CCDC171: variants seen among roughly 807,000 people sequenced by gnomAD.
CCDC171 encodes the protein coiled-coil domain containing 171, also known as coiled-coil domain-containing protein 171.
Under a neutral mutation model 168.2 loss-of-function variants are expected in CCDC171, and 177 were observed. That is an observed-to-expected ratio of 1.05 (90% confidence interval 0.93 to 1.19). The LOEUF (loss-of-function observed/expected upper bound fraction) is 1.19. Ranked by LOEUF, CCDC171 falls within the 50% of genes most tolerant of loss-of-function variation. CCDC171 has a pLI of 0.00. For missense variants in CCDC171, 1,991 were observed against 1,539.0 expected, an observed-to-expected ratio of 1.29 and a Z score of -4.91; for synonymous variants, 687 against 540.8, an observed-to-expected ratio of 1.27 and a Z score of -3.75.
At chr9:15,949,517 C>G (rs1828857342) in intron 25 of CCDC171, among the ~76,000 whole-genome samples, 1 of 152,140 alleles carries the variant, frequency 6.6e-6, no homozygotes, top group African/African-American at 2.4e-5. Context: ...GTTTGTACTT[C>G]TCCTTGAAGA....
the CCDC171 span, among the ~76,000 whole-genome samples, chr9:16,089,900 T>C: frequency 6.6e-6 from 1 of 152,008 alleles, no homozygotes; most frequent in African/African-American, 2.4e-5. Flanking sequence ...AGGATGGAGA[T>C]CATTAAAAGT....
intron 1 of CCDC171, among the ~76,000 whole-genome samples, chr9:15,561,767 A>C (rs1342149279): frequency 6.6e-6 from 1 of 152,112 alleles, no homozygotes; most frequent in East Asian, 1.9e-4. Context: ...CACACAGAGA[A>C]GTAAATCCTT....
intron 23 of CCDC171, among the ~76,000 whole-genome samples, chr9:15,854,410 T>C (rs1367418618): frequency 6.6e-6 from 1 of 151,684 alleles, no homozygotes; most frequent in Non-Finnish European, 1.5e-5. Flanking sequence ...TAATTGTTTT[T>C]ATTTCTGTAA....
chr9:15,574,771 ATC>A (rs2131145555), intron 3 of CCDC171, among the ~76,000 whole-genome samples: 1 of 152,344 alleles, frequency 6.6e-6, no homozygotes, highest in East Asian at 1.9e-4. Flanking sequence ...GGCACAAAAT[ATC>A]TTTAAAGACT....
chr9:15,874,991 C>G lies in CCDC171; in HGVS notation c.3600+328C>G, dbSNP rs115390376. ...TAGGCTGTTACCTCTTTAAGCAAGTCTCAATTTGTTGCTTTTATTGTTTGA... is the reference window on the plus strand; with the variant it reads ...TAGGCTGTTACCTCTTTAAGCAAGTGTCAATTTGTTGCTTTTATTGTTTGA... On this transcript the variant is annotated intron_variant, in intron 24 of 25. Transcript: ENST00000380701. The G allele has an allele frequency of 6.5e-3, 1,085 of 166,232 alleles. 9 individuals carry two copies. The highest frequency in any genetic ancestry group is 0.024 in the African/African-American group (1,029 of 42,098). The allele number at this position is 166,232 out of a possible 1,614,324, so 10.3% of individuals were successfully genotyped here.
the CCDC171 span, among the ~76,000 whole-genome samples, chr9:16,076,763 C>T: frequency 1.6e-4 from 25 of 152,184 alleles, no homozygotes; most frequent in Non-Finnish European, 2.8e-4. Flanking sequence ...CCTGACAAGT[C>T]CACTCTGGTT....
intron 7 of CCDC171, among the ~76,000 whole-genome samples, chr9:15,634,338 T>C (rs894938753): frequency 6.6e-5 from 10 of 152,300 alleles, no homozygotes; most frequent in African/African-American, 2.4e-4. Flanking sequence ...TCTGTATTTC[T>C]TTTATTTCTA....
At chr9:16,063,182 A>G (rs1158676852), downstream of CCDC171, among the ~76,000 whole-genome samples, 1 of 152,202 alleles carries the variant, frequency 6.6e-6, no homozygotes, top group Non-Finnish European at 1.5e-5. Flanking sequence ...CAATGTGAGT[A>G]GTGATTCCTA....
At chr9:15,881,279 T>C (rs532638614) in intron 24 of CCDC171, among the ~76,000 whole-genome samples, 3 of 152,256 alleles carry the variant, frequency 2.0e-5, no homozygotes, top group Admixed American at 1.3e-4. Context: ...TTACAAGAAA[T>C]GAAATACTAA....
At chr9:16,070,288 C>T in the CCDC171 span, among the ~76,000 whole-genome samples, 8 of 152,164 alleles carry the variant, frequency 5.3e-5, no homozygotes, top group Admixed American at 2.6e-4. Flanking sequence ...AGGAGTGTTA[C>T]TGGTCCTGCC....
intron 18 of CCDC171, among the ~76,000 whole-genome samples, chr9:15,771,359 A>T (rs531482341): frequency 7.3e-4 from 111 of 152,234 alleles, no homozygotes; most frequent in African/African-American, 2.5e-3. Flanking sequence ...CAAAATTTTG[A>T]TAATCTCTTT....
chr9:15,554,487 G>A (rs2038620604), intron 1 of CCDC171, among the ~76,000 whole-genome samples: 1 of 152,130 alleles, frequency 6.6e-6, no homozygotes, highest in Non-Finnish European at 1.5e-5. Flanking sequence ...TGTTAGTCTT[G>A]GGGCTCAGCC....
intron 3 of CCDC171, among the ~76,000 whole-genome samples, chr9:16,011,209 G>T (rs2132985952): frequency 6.6e-6 from 1 of 152,216 alleles, no homozygotes; most frequent in Non-Finnish European, 1.5e-5. Context: ...TGACCTTGAG[G>T]ATGCTAAAAT....
At chr9:15,664,493 C>G (rs1360175282) in intron 8 of CCDC171, among the ~76,000 whole-genome samples, 3 of 151,218 alleles carry the variant, frequency 2.0e-5, no homozygotes, top group Admixed American at 6.6e-5. Flanking sequence ...AAATGATCTG[C>G]TCACCTTGGC....
chr9:15,965,410 G>A (rs1184381325), intron 25 of CCDC171, among the ~76,000 whole-genome samples: 4 of 152,174 alleles, frequency 2.6e-5, no homozygotes, highest in Non-Finnish European at 5.9e-5. Context: ...TAAGGTAATG[G>A]TCAAGCGTAT....
the CCDC171 span, among the ~76,000 whole-genome samples, chr9:16,102,264 C>A: frequency 6.6e-6 from 1 of 152,196 alleles, no homozygotes; most frequent in Admixed American, 6.5e-5. Context: ...GCCTCCTGGA[C>A]CCTGCAGCCC....
intron 8 of CCDC171, among the ~76,000 whole-genome samples, chr9:15,659,003 G>T (rs2048130834): frequency 6.6e-6 from 1 of 152,090 alleles, no homozygotes; most frequent in Non-Finnish European, 1.5e-5. Flanking sequence ...GAACACCAAG[G>T]TTTGCAGTAT....
intron 11 of CCDC171, among the ~76,000 whole-genome samples, chr9:15,717,593 A>T (rs1028373669): frequency 6.6e-6 from 1 of 152,180 alleles, no homozygotes; most frequent in Non-Finnish European, 1.5e-5. Context: ...TCTGCTTAAG[A>T]GGTGAGGGAA....
chr9:15,721,931 T>G (rs1285669385), intron 12 of CCDC171, 56 bp downstream of exon 12: 2 of 803,792 alleles, frequency 2.5e-6, no homozygotes, highest in Non-Finnish European at 3.6e-6. Flanking sequence ...TACCAGTACG[T>G]ATTCCTTGCT....
Sources: allele counts gnomAD v4.1 joint callset (sites outside exome capture counted in the v4.1 genomes callset), GRCh38; gene constraint gnomAD v4.1.1; transcripts MANE v1.5; gene names NCBI Gene and HGNC (gene_info 2026-07-23, HGNC 2026-07-21).